FAM185A: variants seen among roughly 807,000 people sequenced by gnomAD.
FAM185A encodes family with sequence similarity 185 member A, also known as protein FAM185A.
A neutral mutation model predicts 45.7 loss-of-function variants in FAM185A; 21 were observed. The ratio of observed to expected loss-of-function variants is 0.46; its 90% CI spans 0.33 to 0.66. The LOEUF is 0.66. Ranked by LOEUF, FAM185A falls within the 30% of genes least tolerant of loss-of-function variation. The probability of loss-of-function intolerance (pLI) is 0.03; values close to 1 mark genes in which losing one functional copy is unlikely to be tolerated. For synonymous variants in FAM185A, 117 were observed against 194.0 expected, an observed-to-expected ratio of 0.60 and a Z score of 3.30; for missense variants, 305 against 485.4, an observed-to-expected ratio of 0.63 and a Z score of 3.49.
intron 7 of FAM185A, among the ~76,000 whole-genome samples, chr7:102,807,750 TAAAAAA>T (rs57307357): frequency 2.4e-4 from 32 of 135,674 alleles, no homozygotes; most frequent in African/African-American, 7.4e-4. Context: ...CGTCTCCACT[TAAAAAA>T]AAAAAAAAAA....
At chr7:102,810,335 C>T (rs577767282), downstream of FAM185A, among the ~76,000 whole-genome samples, 5 of 151,972 alleles carry the variant, frequency 3.3e-5, no homozygotes, top group African/African-American at 9.7e-5. Flanking sequence ...GAGGTTCAAG[C>T]GATTCCCATG....
At chr7:102,752,607 G>C (rs943976188) in intron 2 of FAM185A, among the ~76,000 whole-genome samples, 3 of 145,306 alleles carry the variant, frequency 2.1e-5, no homozygotes, top group African/African-American at 7.7e-5. Context: ...TGTTTTCTTT[G>C]TAGAGACAGT....
intron 5 of FAM185A, among the ~76,000 whole-genome samples, chr7:102,772,668 T>G (rs1362108569): frequency 6.6e-6 from 1 of 151,176 alleles, no homozygotes; most frequent in Admixed American, 6.6e-5. Context: ...GCTAAACTTC[T>G]CTGAAGAAAA....
intron 6 of FAM185A, among the ~76,000 whole-genome samples, chr7:102,784,881 G>A (rs1795675713): frequency 6.6e-6 from 1 of 152,186 alleles, no homozygotes; most frequent in African/African-American, 2.4e-5. Flanking sequence ...TAGGAATAGA[G>A]GAAGTCAAAT....
At chr7:102,793,375 C>T (rs938153813) in intron 7 of FAM185A, among the ~76,000 whole-genome samples, 1 of 152,072 alleles carries the variant, frequency 6.6e-6, no homozygotes, top group African/African-American at 2.4e-5. Flanking sequence ...CCATGCCCGG[C>T]TAATTTTTGT....
rs1584277317 is a variant in FAM185A at position 102,757,629 on chromosome 7, C to T, written c.562-225C>T. On this transcript the variant is annotated intron_variant, in intron 2 of 7. Coordinates refer to ENST00000413034, the MANE Select transcript of FAM185A (RefSeq NM_001145268.2). ...AAGCTACCAGAATACCCAAGTATCT[C>T]TTGTTTTTCCCTTAGAGTCCAAGTG... 3.3e-5 allele frequency among the ~76,000 whole-genome samples: 5 copies of T among 152,326 alleles called. No individual in the cohort carries two copies. The East Asian group carries it at 9.6e-4, about 29-fold the overall frequency.
the FAM185A span, among the ~76,000 whole-genome samples, chr7:102,822,799 A>G: frequency 6.6e-6 from 1 of 152,250 alleles, no homozygotes; most frequent in Non-Finnish European, 1.5e-5. Flanking sequence ...TTAGCAAGGC[A>G]CAGTGGCTCA....
chr7:102,770,961 G>C (rs1794708669), intron 4 of FAM185A, among the ~76,000 whole-genome samples: 1 of 152,192 alleles, frequency 6.6e-6, no homozygotes, highest in Admixed American at 6.5e-5. Context: ...ATCAACCTAT[G>C]TGCCCATCAG....
the FAM185A span, among the ~76,000 whole-genome samples, chr7:102,815,536 T>C: frequency 6.6e-6 from 1 of 152,056 alleles, no homozygotes; most frequent in African/African-American, 2.4e-5. Flanking sequence ...AACACCAGAG[T>C]TCTGGACACA....
chr7:102,834,082 A>AAGGAAGG, the FAM185A span, among the ~76,000 whole-genome samples: 1 of 80,162 alleles, frequency 1.2e-5, no homozygotes, highest in African/African-American at 7.2e-5. Context: ...GGAAGGAAGG[A>AAGGAAGG]AAGAAAAGAA....
At chr7:102,815,311 T>C in the FAM185A span, among the ~76,000 whole-genome samples, 1 of 152,248 alleles carries the variant, frequency 6.6e-6, no homozygotes, top group African/African-American at 2.4e-5. Flanking sequence ...CTTTGTTATT[T>C]TCCTTTTGTT....
intron 6 of FAM185A, among the ~76,000 whole-genome samples, chr7:102,780,737 C>T (rs1433144933): frequency 4.6e-5 from 7 of 152,174 alleles, no homozygotes; most frequent in Non-Finnish European, 8.8e-5. Context: ...GCGTGAGCGA[C>T]GCAGAAGACA....
intron 4 of FAM185A, among the ~76,000 whole-genome samples, chr7:102,763,478 A>G (rs1794218853): frequency 6.6e-6 from 1 of 152,162 alleles, no homozygotes; most frequent in Admixed American, 6.5e-5. Context: ...GTAAAGGAAG[A>G]AAGCCAGATT....
the FAM185A span, among the ~76,000 whole-genome samples, chr7:102,848,580 A>T: frequency 4.6e-5 from 2 of 43,778 alleles, no homozygotes; most frequent in Admixed American, 1.8e-4. Context: ...AAAAAAAAAA[A>T]AAAAAAAAAA....
chr7:102,826,736 T>TC, the FAM185A span, among the ~76,000 whole-genome samples: 6 of 45,510 alleles, frequency 1.3e-4, no homozygotes, highest in African/African-American at 8.4e-4. Context: ...TATATATATA[T>TC]ATATATATAT....
chr7:102,849,516 G>A, the FAM185A span, among the ~76,000 whole-genome samples: 1 of 152,264 alleles, frequency 6.6e-6, no homozygotes, highest in African/African-American at 2.4e-5. Context: ...AATGTCTTGT[G>A]CTAAAAACAG....
At chr7:102,787,819 G>A (rs543354738) in intron 7 of FAM185A, among the ~76,000 whole-genome samples, 4 of 152,092 alleles carry the variant, frequency 2.6e-5, no homozygotes, top group Non-Finnish European at 2.9e-5. Flanking sequence ...GGAGTAAATC[G>A]GAATTTTGTT....
chr7:102,798,904 C>T (rs1355934741), intron 7 of FAM185A, among the ~76,000 whole-genome samples: 2 of 151,970 alleles, frequency 1.3e-5, no homozygotes, highest in Non-Finnish European at 2.9e-5. Flanking sequence ...CCTGCCACCA[C>T]GCCCAGCTAA....
the FAM185A span, among the ~76,000 whole-genome samples, chr7:102,824,562 T>G: frequency 2.0e-5 from 3 of 152,272 alleles, no homozygotes; most frequent in East Asian, 5.8e-4. Context: ...CTCGGCTCAC[T>G]GCAACCTCTG....
Sources: gnomAD v4.1 joint callset for allele counts (sites outside exome capture counted in the v4.1 genomes callset) on GRCh38, gnomAD v4.1.1 for gene constraint, MANE v1.5 for transcripts, NCBI Gene and HGNC (gene_info 2026-07-23, HGNC 2026-07-21) for gene names.